The following GNL3 variants were observed in gnomAD, a reference collection of about 807,000 sequenced individuals.
GNL3 encodes guanine nucleotide-binding protein-like 3.
A neutral mutation model predicts 70.6 loss-of-function variants in GNL3; 77 were observed. The observed-to-expected ratio is 1.09, with a 90% confidence interval of 0.91 to 1.32. GNL3 has a LOEUF of 1.32. Among genes scored for constraint, GNL3 ranks in the 40% most tolerant of loss-of-function variants. GNL3 has a pLI of 0.00. For missense variants in GNL3, 634 were observed against 644.0 expected (o/e 0.98, Z 0.17); for synonymous variants, 252 against 216.1 (o/e 1.17, Z -1.46).
At chr3:52,687,141 A>G (rs1578565629) in intron 2 of GNL3, 105 bp from the exon 3 acceptor site, 2 of 929,882 alleles carry the variant, frequency 2.2e-6, no homozygotes, top group East Asian at 4.8e-5. Flanking sequence ...TTCCTAGGAC[A>G]TTTTATAGGC....
At chr3:52,692,790 A>G (rs771792292) in intron 9 of GNL3, 82 bp from the exon 10 acceptor site, 2 of 1,074,986 alleles carry the variant, frequency 1.9e-6, no homozygotes, top group Non-Finnish European at 2.9e-6. Context: ...GAGTCTGTTC[A>G]ATCCAACCCT....
intron 13 of GNL3, 91 bp downstream of exon 13, chr3:52,693,898 G>T: frequency 7.4e-7 from 1 of 1,353,366 alleles, no homozygotes; most frequent in Non-Finnish European, 1.0e-6. Flanking sequence ...AATATTTGAG[G>T]CTTGTGATCC....
chr3:52,694,168 ATC>A, intron 14 of GNL3, 23 bp from the exon 15 acceptor site: 2 of 1,598,892 alleles, frequency 1.3e-6, no homozygotes, highest in Non-Finnish European at 1.7e-6. Flanking sequence ...CTTTTTGAAA[ATC>A]TCTTTATTTT....
At chr3:52,691,841 T>C (rs1296411597) in intron 9 of GNL3, among the ~76,000 whole-genome samples, 1 of 152,020 alleles carries the variant, frequency 6.6e-6, no homozygotes, top group Non-Finnish European at 1.5e-5. Context: ...TAGCTGGGAT[T>C]ACAGGCATGT....
intron 5 of GNL3, 43 bp downstream of exon 5, chr3:52,688,235 T>G: frequency 8.7e-7 from 1 of 1,145,912 alleles, no homozygotes; most frequent in Non-Finnish European, 1.3e-6. Flanking sequence ...TAATGAGGTT[T>G]AAAAGACTCA....
chr3:52,692,021 T>C (rs1382282041), intron 9 of GNL3, among the ~76,000 whole-genome samples: 2 of 151,962 alleles, frequency 1.3e-5, no homozygotes. Context: ...TTTAAAGCTT[T>C]TGGTGAAAGC....
intron 1 of GNL3, 141 bp from the exon 2 acceptor site, chr3:52,686,628 G>C (rs1184568616): frequency 3.1e-6 from 2 of 649,068 alleles, no homozygotes; most frequent in Admixed American, 5.7e-5. Flanking sequence ...AAAGTAGCAC[G>C]TATGTTTGCA....
At chr3:52,686,494 C>T (rs1361884824) in intron 1 of GNL3, 10 of 569,918 alleles carry the variant, frequency 1.8e-5, no homozygotes, top group Non-Finnish European at 3.1e-6. Flanking sequence ...CTGTTTGACA[C>T]GAAGTGGTTG....
rs933829725 is a variant in GNL3, at chr3:52,690,524, A to G, written c.542-68A>G. 21 of 845,556 alleles carry G rather than the reference A, an allele frequency of 2.5e-5. No homozygotes were observed. Among genetic ancestry groups the G allele is most frequent in the Non-Finnish European group, 3.9e-5 (19 of 489,826 alleles). 52.4% of individuals were successfully genotyped at this position (845,556 alleles called of 1,614,324 possible). On this transcript the variant is annotated intron_variant, in intron 6 of 14. Coordinates refer to ENST00000418458, the MANE Select transcript of GNL3 (RefSeq NM_014366.5). The stretch of plus-strand genomic sequence containing the variant: ...GTGATCCGCCTGTCTCGGCCTCCCA[A>G]AGTGCTGGGATTACAGGCGTGAGCC...
chr3:52,687,867 C>T, intron 4 of GNL3: 1 of 589,794 alleles, frequency 1.7e-6, no homozygotes, highest in South Asian at 2.1e-5. Context: ...CCCAACTCAG[C>T]CTCCCGAAGT....
chr3:52,693,080 C>G, intron 10 of GNL3, 34 bp downstream of exon 10: 1 of 1,607,988 alleles, frequency 6.2e-7, no homozygotes, highest in South Asian at 1.1e-5. Context: ...CTCCTTGGAG[C>G]CATCTTCTTT....
chr3:52,690,854 T>A lies in GNL3; in HGVS notation c.655-91T>A, dbSNP rs2097326550. The stretch of plus-strand genomic sequence containing the variant: ...TCATCTGAAAGGCAATGTAGTTATC[T>A]TAAGAGCTGGGCTCTGGAGCCTGAT... On this transcript the variant is annotated intron_variant, in intron 7 of 14. Coordinates refer to ENST00000418458, the MANE Select transcript of GNL3 (RefSeq NM_014366.5). 5 of 1,357,116 alleles carry A rather than the reference T, an allele frequency of 3.7e-6. No homozygotes were observed. The South Asian group carries it at 6.0e-5, about 16-fold the overall frequency. 84.1% of individuals were successfully genotyped at this position (1,357,116 alleles called of 1,614,324 possible).
Position 52,693,003 on chromosome 3 carries a change from T to G in GNL3, c.1001T>G (p.Met334Arg). The change falls in exon 10 of 15, where the codon ATG becomes AGG. Residue 334 changes from methionine to arginine, a missense_variant. Coordinates refer to ENST00000418458, the MANE Select transcript of GNL3 (RefSeq NM_014366.5). Reference protein sequence around the residue: ...SPASIEVVKPMEAASAILSQA... With the variant: ...SPASIEVVKPREAASAILSQA... Reference sequence around the variant, plus strand: ...GCAAGTATTGAAGTAGTAAAACCGATGGAGGCTGCCAGTGCCATCCTTTCC... The same window carrying G: ...GCAAGTATTGAAGTAGTAAAACCGAGGGAGGCTGCCAGTGCCATCCTTTCC... 1.2e-6 allele frequency: 2 copies of G among 1,614,212 alleles called. No individual in the cohort carries two copies. Among genetic ancestry groups the G allele is most frequent in the Non-Finnish European group, 1.7e-6 (2 of 1,180,026 alleles).
At chr3:52,689,416 ATTT>A in intron 6 of GNL3, 1 of 651,314 alleles carries the variant, frequency 1.5e-6, no homozygotes, top group East Asian at 2.9e-5. Flanking sequence ...GCCATTCAGT[ATTT>A]ACCATCTTTT....
At chr3:52,693,138 C>T in intron 10 of GNL3, 49 bp from the exon 11 acceptor site, 1 of 1,594,458 alleles carries the variant, frequency 6.3e-7, no homozygotes, top group African/African-American at 1.4e-5. Flanking sequence ...TTTTAAAGTA[C>T]TGGCATGTCA....
intron 5 of GNL3, chr3:52,688,748 C>T (rs1205821487): frequency 3.0e-6 from 1 of 335,358 alleles, no homozygotes; most frequent in Admixed American, 4.6e-5. Flanking sequence ...CCTGACTGCC[C>T]CTCAGCAGCT....
In GNL3 at chr3:52,692,854, C is replaced by T; in HGVS notation, c.870-18C>T. On this transcript the variant is annotated intron_variant, in intron 9 of 14. Transcript: ENST00000418458. Reference sequence around the variant, plus strand: ...AAATAGACCAATGCCCCCATCAATTCCATCGCTCTTCTTTCAGGAGCATGC... The same window carrying T: ...AAATAGACCAATGCCCCCATCAATTTCATCGCTCTTCTTTCAGGAGCATGC... 3 of 1,600,924 alleles carry T rather than the reference C, an allele frequency of 1.9e-6. No individual in the cohort carries two copies. The highest frequency in any genetic ancestry group is 1.7e-6 in the Non-Finnish European group (2 of 1,170,944).
chr3:52,691,244 T>C (rs2097326932), intron 8 of GNL3, 173 bp downstream of exon 8: 1 of 638,802 alleles, frequency 1.6e-6, no homozygotes, highest in Non-Finnish European at 2.7e-6. Flanking sequence ...ACACACAATT[T>C]AAAGAAAAAA....
In GNL3 at chr3:52,693,066, T is replaced by G; in HGVS notation, c.1044+20T>G. 6.2e-7 allele frequency: 1 copy of G among 1,612,878 alleles called. No homozygotes were observed. The highest frequency in any genetic ancestry group is 8.5e-7 in the Non-Finnish European group (1 of 1,178,994). The stretch of plus-strand genomic sequence containing the variant: ...CGACAGGTAAAAGGACCCCTTCTCA[T>G]GAGCTCCTTGGAGCCATCTTCTTTC... On this transcript the variant is annotated intron_variant, in intron 10 of 14. Transcript: ENST00000418458.
Sources: allele counts gnomAD v4.1 joint callset (sites outside exome capture counted in the v4.1 genomes callset), GRCh38; gene constraint gnomAD v4.1.1; transcripts MANE v1.5; gene names NCBI Gene and HGNC (gene_info 2026-07-23, HGNC 2026-07-21).